Variants in C1orf159 observed in about 807,000 individuals in gnomAD.
C1orf159 encodes uncharacterized protein C1orf159.
Under a neutral mutation model 25.6 loss-of-function variants are expected in C1orf159, and 19 were observed. The ratio of observed to expected loss-of-function variants is 0.74; its 90% CI spans 0.52 to 1.09. The LOEUF (loss-of-function observed/expected upper bound fraction) is 1.09, where lower values mean the gene tolerates loss of function less well. Ranked by LOEUF, C1orf159 falls within the 50% of genes least tolerant of loss-of-function variation. The pLI, the probability that C1orf159 is intolerant of heterozygous loss-of-function variation, is 0.00. For synonymous variants in C1orf159, 139 were observed against 124.7 expected (o/e 1.12, Z -0.77); for missense variants, 274 against 290.6 (o/e 0.94, Z 0.42).
intron 9 of C1orf159, 68 bp from the exon 10 acceptor site, chr1:1,083,055 C>G: frequency 7.4e-7 from 1 of 1,347,422 alleles, no homozygotes; most frequent in South Asian, 1.4e-5. Context: ...CAGGCCTCAG[C>G]CCTCACCGGA....
chr1:1,107,949 G>A (rs760936668), intron 1 of C1orf159, among the ~76,000 whole-genome samples: 11 of 152,118 alleles, frequency 7.2e-5, no homozygotes, highest in African/African-American at 1.7e-4. Context: ...AACAAACTCC[G>A]GACACACCAT....
chr1:1,083,998 G>A, intron 9 of C1orf159: 1 of 1,605,402 alleles, frequency 6.2e-7, no homozygotes, highest in Non-Finnish European at 8.5e-7. Context: ...GGCTGCGTCT[G>A]TCCTCGGGTG....
chr1:1,087,961 C>T lies in C1orf159; in HGVS notation c.149-364G>A, dbSNP rs896245533. On this transcript the variant is annotated intron_variant, in intron 4 of 9. Transcript: ENST00000421241. The surrounding 1 kb of genome is among the most constrained non-coding windows in gnomAD (Gnocchi z 8.3). ...CCACGCCGAGCACCCCGGCCCTGAG[C>T]ACCCCGACCCTGAGTACTCCACACT... Among the ~76,000 whole-genome samples, 1 of 151,682 alleles carries T rather than the reference C, an allele frequency of 6.6e-6. No homozygotes were observed. The highest frequency in any genetic ancestry group is 1.5e-5 in the Non-Finnish European group (1 of 67,906).
intron 1 of C1orf159, among the ~76,000 whole-genome samples, chr1:1,108,166 T>C (rs570240160): frequency 1.6e-3 from 235 of 144,140 alleles, no homozygotes; most frequent in African/African-American, 5.7e-3. Context: ...ACAGCCACCA[T>C]GTCTCAGCAC....
chr1:1,090,897 C>T, intron 3 of C1orf159: 1 of 1,550,380 alleles, frequency 6.5e-7, no homozygotes, highest in Non-Finnish European at 8.7e-7. Flanking sequence ...GGGCCCATTC[C>T]CTGACCACAG....
At position 1,104,377 on chromosome 1, in the gene C1orf159, A is replaced by G. The variant is rs992186999; in HGVS notation, c.-136+11683T>C. ...CTCAGGGCAAAGATGCAAAAACAGG[A>G]AACTGTGCTGGTTGCTTCCTCCAAG... On this transcript the variant is annotated intron_variant, in intron 1 of 9. Coordinates refer to ENST00000421241, the MANE Select transcript of C1orf159 (RefSeq NM_017891.5). Among the ~76,000 whole-genome samples, 3 of 152,208 alleles carry G rather than the reference A, an allele frequency of 2.0e-5. No homozygotes were observed. The East Asian group carries it at 5.8e-4, about 29-fold the overall frequency.
intron 9 of C1orf159, chr1:1,083,994 G>A (rs541863034): frequency 1.7e-5 from 27 of 1,605,178 alleles, no homozygotes; most frequent in East Asian, 6.7e-5. Context: ...GGCCGGCTGC[G>A]TCTGTCCTCG....
intron 1 of C1orf159, among the ~76,000 whole-genome samples, chr1:1,107,741 C>T (rs1030233887): frequency 6.6e-5 from 10 of 152,188 alleles, no homozygotes; most frequent in African/African-American, 1.9e-4. Context: ...GCAACCCACT[C>T]GGGTCCCCTT....
rs1167318841 is a variant in C1orf159, at chr1:1,110,225, C to G, written c.-136+5835G>C. 6.6e-6 allele frequency among the ~76,000 whole-genome samples: 1 copy of G among 152,156 alleles called. No individual in the cohort carries two copies. Among genetic ancestry groups the G allele is most frequent in the African/African-American group, 2.4e-5 (1 of 41,414 alleles). On this transcript the variant is annotated intron_variant, in intron 1 of 9. Transcript: ENST00000421241. The surrounding 1 kb of genome is among the most constrained non-coding windows in gnomAD (Gnocchi z 4.8). ...AACTGAAAAAGGGTGGCAGTATAAC[C>G]AGGTGTGTCCAACCTCCCATCCTTT...
At position 1,087,841 on chromosome 1, in the gene C1orf159, C is replaced by T. The variant is rs1172074080; in HGVS notation, c.149-244G>A. Among the ~76,000 whole-genome samples the T allele has an allele frequency of 6.6e-6, 1 of 150,582 alleles. No individual in the cohort carries two copies. Among genetic ancestry groups the T allele is most frequent in the Non-Finnish European group, 1.5e-5 (1 of 67,612 alleles). On this transcript the variant is annotated intron_variant, in intron 4 of 9. Coordinates refer to ENST00000421241, the MANE Select transcript of C1orf159 (RefSeq NM_017891.5). This position sits in a 1 kb window ranked among gnomAD's most constrained non-coding sequence, Gnocchi z 8.3. Reference sequence around the variant, plus strand: ...GAGTACTCCGACCCCAAGTACTCCACGCTGCACTCTCCACGCCGAGCACCC... The same window carrying T: ...GAGTACTCCGACCCCAAGTACTCCATGCTGCACTCTCCACGCCGAGCACCC...
intron 1 of C1orf159, among the ~76,000 whole-genome samples, chr1:1,096,199 C>A (rs1052493407): frequency 6.6e-6 from 1 of 152,154 alleles, no homozygotes; most frequent in African/African-American, 2.4e-5. Context: ...AATAGGCCCT[C>A]CTTTTTTTAA....
At chr1:1,094,018 A>G (rs557099920) in intron 1 of C1orf159, among the ~76,000 whole-genome samples, 1 of 151,600 alleles carries the variant, frequency 6.6e-6, no homozygotes, top group Non-Finnish European at 1.5e-5. Context: ...AGCCACTTAT[A>G]TATCTTCTTT....
At chr1:1,107,682 G>C (rs1646192682) in intron 1 of C1orf159, among the ~76,000 whole-genome samples, 1 of 152,204 alleles carries the variant, frequency 6.6e-6, no homozygotes. Context: ...AACAGGATGT[G>C]GGTGGGGTCA....
In C1orf159 at chr1:1,114,402, C is replaced by G. The variant is rs113338233; in HGVS notation, c.-136+1658G>C. 4.2e-3 allele frequency among the ~76,000 whole-genome samples: 638 copies of G among 152,318 alleles called. 5 individuals carry two copies. The highest frequency in any genetic ancestry group is 0.014 in the African/African-American group (602 of 41,558). ...CTATGTTGCCCAGACTGGTCTCAAG[C>G]GATCTCCCACCCCAGCACCCACAGC... On this transcript the variant is annotated intron_variant, in intron 1 of 9. Coordinates refer to ENST00000421241, the MANE Select transcript of C1orf159 (RefSeq NM_017891.5).
Position 1,091,485 on chromosome 1 carries a change from G to A in C1orf159, c.59C>T (p.Ser20Phe). Residue 20 changes from serine (S) to phenylalanine (F), a missense_variant, in exon 3 of 10, where the codon TCC becomes TTC. Transcript: ENST00000421241. ...GGGGGCACCTACCGTGTTCTCCATG[G>A]ACTTGCTGGCGACTCCCACGAGAAG... ...AGLLVGVASK[S>F]MENTAQLPEC... The A allele has an allele frequency of 6.5e-7, 1 of 1,550,352 alleles. No individual in the cohort carries two copies. Among genetic ancestry groups the A allele is most frequent in the South Asian group, 1.2e-5 (1 of 84,044 alleles).
At chr1:1,109,707 G>C (rs981216481) in intron 1 of C1orf159, among the ~76,000 whole-genome samples, 5 of 152,260 alleles carry the variant, frequency 3.3e-5, no homozygotes, top group Non-Finnish European at 7.4e-5. Flanking sequence ...GGGCTCAAGC[G>C]CTCCTCTCTC....
intron 4 of C1orf159, 146 bp downstream of exon 4, chr1:1,090,207 C>G: frequency 1.2e-6 from 1 of 823,508 alleles, no homozygotes; most frequent in Non-Finnish European, 1.9e-6. Flanking sequence ...CTTCCCCAAG[C>G]TCCACAGCCC....
intron 3 of C1orf159, chr1:1,090,675 A>G (rs1645915205): frequency 2.9e-6 from 2 of 691,552 alleles, no homozygotes; most frequent in South Asian, 1.7e-5. Flanking sequence ...TGGGCCTGGA[A>G]GAGTAAACCA....
At position 1,108,274 on chromosome 1, in the gene C1orf159, G is replaced by A. The variant is rs1317015723; in HGVS notation, c.-136+7786C>T. On this transcript the variant is annotated intron_variant, in intron 1 of 9. Transcript: ENST00000421241. Reference sequence around the variant, plus strand: ...ACAGCCACCATGTCTCAGCAGCACCGTCCACCACAGCCACCATGTCTCGGC... The same window carrying A: ...ACAGCCACCATGTCTCAGCAGCACCATCCACCACAGCCACCATGTCTCGGC... 5.6e-5 allele frequency among the ~76,000 whole-genome samples: 6 copies of A among 107,430 alleles called. No homozygotes were observed. In the South Asian group the frequency reaches 9.9e-4, roughly 18 times the overall value. 70.5% of individuals were successfully genotyped at this position (107,430 alleles called of 152,430 possible). A position where few individuals can be genotyped will look rare whatever the true frequency, so the allele number is the denominator to read the frequency against.
Sources: gnomAD v4.1 joint callset for allele counts (sites outside exome capture counted in the v4.1 genomes callset) on GRCh38, gnomAD v4.1.1 for gene constraint, Gnocchi (gnomAD v3.1) non-coding constraint, MANE v1.5 for transcripts, NCBI Gene and HGNC (gene_info 2026-07-23, HGNC 2026-07-21) for gene names.